The following ZNF592 variants were observed in gnomAD, a reference collection of about 807,000 sequenced individuals.
ZNF592 encodes the protein spinocerebellar ataxia, autosomal recessive 5.
A neutral mutation model predicts 80.3 loss-of-function variants in ZNF592; 11 were observed. The ratio of observed to expected loss-of-function variants is 0.14; its 90% CI spans 0.09 to 0.23. The LOEUF (loss-of-function observed/expected upper bound fraction) is 0.23. ZNF592 is among the 10% of genes least tolerant of loss of function. The pLI, the probability that ZNF592 is intolerant of heterozygous loss-of-function variation, is 1.00. For synonymous variants in ZNF592, 646 were observed against 640.3 expected, an observed-to-expected ratio of 1.01 and a Z score of -0.13; for missense variants, 1,420 against 1,633.9, an observed-to-expected ratio of 0.87 and a Z score of 2.26.
chr15:84,799,967 A>G lies in ZNF592; in HGVS notation c.3263A>G (p.His1088Arg), dbSNP rs1963044419. Residue 1088 changes from histidine to arginine, a missense_variant, in exon 10 of 11, where the codon CAT (histidine) becomes CGT (arginine). Physicochemically the swap from His to Arg is conservative, Grantham distance 29. Coordinates refer to ENST00000560079, the MANE Select transcript of ZNF592 (RefSeq NM_014630.3). This position sits in a 1 kb window ranked among gnomAD's most constrained non-coding sequence, Gnocchi z 4.2. The part of the protein sequence containing the change: ...QTSKVKPPGG[H>R]SPQVNHLKRP... Reference sequence around the variant, plus strand: ...TCCAAAGTGAAACCTCCGGGTGGACATTCCCCTCAGGTGAGTGTGGGCTCC... The same window carrying G: ...TCCAAAGTGAAACCTCCGGGTGGACGTTCCCCTCAGGTGAGTGTGGGCTCC... 1 of 1,614,198 alleles carries G rather than the reference A, an allele frequency of 6.2e-7. No individual in the cohort carries two copies. The highest frequency in any genetic ancestry group is 2.2e-5 in the East Asian group (1 of 44,876).
intron 2 of ZNF592, among the ~76,000 whole-genome samples, chr15:84,767,181 A>AT (rs1380194320): frequency 6.6e-6 from 1 of 151,574 alleles, no homozygotes; most frequent in Non-Finnish European, 1.5e-5. Flanking sequence ...ATTTTTAGTA[A>AT]TTTTTTTGTA....
At chr15:84,776,582 C>G (rs1962258679) in intron 2 of ZNF592, among the ~76,000 whole-genome samples, 1 of 152,032 alleles carries the variant, frequency 6.6e-6, no homozygotes, top group Non-Finnish European at 1.5e-5. Context: ...ATGGCGAAAC[C>G]CCATCTCTAT....
chr15:84,797,169 A>G (rs1021182893), intron 5 of ZNF592, among the ~76,000 whole-genome samples: 2 of 152,118 alleles, frequency 1.3e-5, no homozygotes, highest in Non-Finnish European at 2.9e-5. Context: ...TATGTCGGCC[A>G]TGTCTCATCT....
intron 5 of ZNF592, among the ~76,000 whole-genome samples, chr15:84,795,558 T>C (rs1962871048): frequency 6.6e-6 from 1 of 152,256 alleles, no homozygotes; most frequent in Non-Finnish European, 1.5e-5. Context: ...TTTGGTCAAA[T>C]GGCACAAATA....
chr15:84,766,497 G>T (rs1049739545), intron 2 of ZNF592, among the ~76,000 whole-genome samples: 1 of 152,058 alleles, frequency 6.6e-6, no homozygotes, highest in Non-Finnish European at 1.5e-5. Flanking sequence ...CTTCCCTCAG[G>T]TCTGAGCAGT....
Position 84,798,089 on chromosome 15 carries a change from G to T in ZNF592, c.2576+44G>T, listed in dbSNP as rs750523551. Reference sequence around the variant, plus strand: ...CCAGCAGGCCCTGTGGAGCAGAGAGGAGTAGCCTGGGTGCTGTAGGGGGTG... The same window carrying T: ...CCAGCAGGCCCTGTGGAGCAGAGAGTAGTAGCCTGGGTGCTGTAGGGGGTG... On this transcript the variant is annotated intron_variant, in intron 6 of 10. Coordinates refer to ENST00000560079, the MANE Select transcript of ZNF592 (RefSeq NM_014630.3). This position sits in a 1 kb window ranked among gnomAD's most constrained non-coding sequence, Gnocchi z 4.5. 3 of 1,608,006 alleles carry T rather than the reference G, an allele frequency of 1.9e-6. No individual in the cohort carries two copies. The highest frequency in any genetic ancestry group is 1.7e-6 in the Non-Finnish European group (2 of 1,178,282).
intron 5 of ZNF592, 41 bp from the exon 6 acceptor site, chr15:84,797,828 C>G (rs765962897): frequency 6.2e-7 from 1 of 1,610,646 alleles, no homozygotes; most frequent in South Asian, 1.1e-5. Flanking sequence ...CCAGTACTCC[C>G]TATACTCCAC....
Position 84,764,731 on chromosome 15 carries a change from TGCCTAG to T in ZNF592, c.-232_-227del. 1 of 399,050 alleles carries T rather than the reference TGCCTAG, an allele frequency of 2.5e-6. No homozygotes were observed. The highest frequency in any genetic ancestry group is 4.4e-6 in the Non-Finnish European group (1 of 226,062). 24.7% of individuals were successfully genotyped at this position (399,050 alleles called of 1,614,324 possible). A position where few individuals can be genotyped will look rare whatever the true frequency, so the allele number is the denominator to read the frequency against. ...GGTGGTGTTTGGACTCTAGACCATGTGCCTAGGTAGAAGTTTTTCCTTTCTCCGCAG... is the reference window on the plus strand; with the variant it reads ...GGTGGTGTTTGGACTCTAGACCATGTGTAGAAGTTTTTCCTTTCTCCGCAG... On this transcript the variant is annotated 5_prime_UTR_variant, in exon 2 of 11. Coordinates refer to ENST00000560079, the MANE Select transcript of ZNF592 (RefSeq NM_014630.3).
At chr15:84,797,808 A>G in intron 5 of ZNF592, 61 bp from the exon 6 acceptor site, 2 of 1,589,916 alleles carry the variant, frequency 1.3e-6, no homozygotes, top group Admixed American at 1.7e-5. Flanking sequence ...TTGCAGCACC[A>G]CCTCTGGGTC....
intron 4 of ZNF592, among the ~76,000 whole-genome samples, chr15:84,790,006 G>A (rs962588351): frequency 3.3e-5 from 5 of 152,136 alleles, no homozygotes; most frequent in African/African-American, 1.2e-4. Context: ...CTGGGGCTGG[G>A]AACAAAGGAG....
intron 5 of ZNF592, among the ~76,000 whole-genome samples, chr15:84,793,288 G>A (rs1962803108): frequency 6.6e-6 from 1 of 152,046 alleles, no homozygotes; most frequent in South Asian, 2.1e-4. Context: ...TGATGGCCAG[G>A]CTGGTCTCAA....
intron 2 of ZNF592, among the ~76,000 whole-genome samples, chr15:84,773,192 TAACAAGTCACCACCCACCAGGG>T: frequency 6.6e-6 from 1 of 151,836 alleles, no homozygotes; most frequent in Middle Eastern, 3.4e-3. Context: ...TTTCTTTTTT[TAACAAGTCACCACCCACCAGGG>T]TTTTTTTTTT....
intron 2 of ZNF592, among the ~76,000 whole-genome samples, chr15:84,777,219 G>A (rs1020041954): frequency 4.6e-5 from 7 of 151,986 alleles, no homozygotes; most frequent in East Asian, 1.9e-4. Context: ...GCTCACGCCT[G>A]TAATCCCAGC....
At chr15:84,771,138 G>A (rs1011575847) in intron 2 of ZNF592, among the ~76,000 whole-genome samples, 1 of 152,024 alleles carries the variant, frequency 6.6e-6, no homozygotes, top group African/African-American at 2.4e-5. Flanking sequence ...GGAAATAGAG[G>A]GGAAAGACAT....
intron 2 of ZNF592, among the ~76,000 whole-genome samples, chr15:84,767,409 T>G (rs979666153): frequency 1.3e-5 from 2 of 152,102 alleles, no homozygotes; most frequent in African/African-American, 4.8e-5. Context: ...TTGCTTAAAT[T>G]TAGGGGTCCC....
Position 84,805,199 on chromosome 15 carries a change from C to A in ZNF592, c.*2806C>A, listed in dbSNP as rs1350497351. 1.3e-5 allele frequency: 2 copies of A among 152,188 alleles called. No homozygotes were observed. The highest frequency in any genetic ancestry group is 4.8e-5 in the African/African-American group (2 of 41,432). 9.4% of individuals were successfully genotyped at this position (152,188 alleles called of 1,614,324 possible). On this transcript the variant is annotated 3_prime_UTR_variant, in exon 11 of 11. Transcript: ENST00000560079. ...TTTCGAAACGTGGTATCTCTACAAC[C>A]TTTCATTCTCATTGGGATTTACCTT...
chr15:84,796,371 G>T (rs1160627414), intron 5 of ZNF592, among the ~76,000 whole-genome samples: 1 of 148,838 alleles, frequency 6.7e-6, no homozygotes, highest in African/African-American at 2.5e-5. Context: ...CAAAGCACCT[G>T]CCTCTCTTTA....
intron 5 of ZNF592, among the ~76,000 whole-genome samples, chr15:84,791,608 G>C (rs8043333): frequency 6.6e-6 from 1 of 151,984 alleles, no homozygotes; most frequent in South Asian, 2.1e-4. Flanking sequence ...TATTGTCTTC[G>C]GCATTGTGTT....
intron 1 of ZNF592, among the ~76,000 whole-genome samples, chr15:84,753,825 A>G (rs1395874586): frequency 6.6e-6 from 1 of 152,218 alleles, no homozygotes. Flanking sequence ...AAAAATAGGA[A>G]CATCCTGAAT....
Sources: allele counts gnomAD v4.1 joint callset (sites outside exome capture counted in the v4.1 genomes callset), GRCh38; gene constraint gnomAD v4.1.1; non-coding constraint Gnocchi (gnomAD v3.1); transcripts MANE v1.5; gene names NCBI Gene and HGNC (gene_info 2026-07-23, HGNC 2026-07-21).